The following CLIC4 variants were observed in gnomAD, a reference collection of about 807,000 sequenced individuals.
CLIC4 encodes CLIC family member 4, also known as chloride intracellular channel protein 4.
In CLIC4, 13 loss-of-function variants were observed where a neutral mutation model predicts 24.6. That is an observed-to-expected ratio of 0.53 (90% CI 0.34 to 0.84). The LOEUF (loss-of-function observed/expected upper bound fraction) is 0.84, where lower values mean the gene tolerates loss of function less well. CLIC4 is among the 40% of genes least tolerant of loss of function. The pLI is 0.01. For synonymous variants in CLIC4, 104 were observed against 111.3 expected (o/e 0.93, Z 0.41); for missense variants, 227 against 301.7 (o/e 0.75, Z 1.83).
At position 24,843,340 on chromosome 1, in the gene CLIC4, A is replaced by G. The variant is rs1004265966; in HGVS notation, c.*2403A>G. ...AGTTTAACATCTTGAGAAATTTGGG[A>G]CATAAAGTTTTCATGGTAGACAGTT... On this transcript the variant is annotated 3_prime_UTR_variant, in exon 6 of 6. Transcript: ENST00000374379. 1 of 152,204 alleles carries G rather than the reference A, an allele frequency of 6.6e-6. No individual in the cohort carries two copies. The highest frequency in any genetic ancestry group is 6.5e-5 in the Admixed American group (1 of 15,276). The allele number at this position is 152,204 out of a possible 1,614,324, so 9.4% of individuals were successfully genotyped here.
intron 1 of CLIC4, among the ~76,000 whole-genome samples, chr1:24,791,090 G>A (rs968728269): frequency 6.6e-6 from 1 of 152,104 alleles, no homozygotes; most frequent in African/African-American, 2.4e-5. Context: ...GTAAGGGAAC[G>A]CTGACTTTCT....
At chr1:24,797,638 C>A in intron 1 of CLIC4, 104 bp from the exon 2 acceptor site, 5 of 658,304 alleles carry the variant, frequency 7.6e-6, no homozygotes, top group Non-Finnish European at 1.2e-5. Flanking sequence ...CACAATGTAA[C>A]TTTTCCTGGC....
At position 24,844,138 on chromosome 1, in the gene CLIC4, T is replaced by G. The variant is rs1375749333; in HGVS notation, c.*3201T>G. ...GTTGAACAGAATTGGAGTATTTTCT[T>G]TATAATTTCTTGAACAGGCAAATGA... On this transcript the variant is annotated 3_prime_UTR_variant, in exon 6 of 6. Coordinates refer to ENST00000374379, the MANE Select transcript of CLIC4 (RefSeq NM_013943.3). The G allele has an allele frequency of 6.6e-6, 1 of 152,654 alleles. No individual in the cohort carries two copies. The highest frequency in any genetic ancestry group is 1.5e-5 in the Non-Finnish European group (1 of 68,024). 9.5% of individuals were successfully genotyped at this position (152,654 alleles called of 1,614,324 possible). A position where few individuals can be genotyped will look rare whatever the true frequency, so the allele number is the denominator to read the frequency against.
chr1:24,835,393 T>C (rs537052763), intron 4 of CLIC4, among the ~76,000 whole-genome samples: 28 of 152,162 alleles, frequency 1.8e-4, no homozygotes, highest in Admixed American at 1.3e-3. Flanking sequence ...CATAACCCCA[T>C]CTCTACTAAA....
At chr1:24,775,704 C>T (rs1639130673) in intron 1 of CLIC4, among the ~76,000 whole-genome samples, 1 of 151,554 alleles carries the variant, frequency 6.6e-6, no homozygotes, top group African/African-American at 2.4e-5. Flanking sequence ...CTGAGATTTC[C>T]TATCTTCCTT....
At chr1:24,764,390 A>G (rs940403154) in intron 1 of CLIC4, among the ~76,000 whole-genome samples, 1 of 151,066 alleles carries the variant, frequency 6.6e-6, no homozygotes, top group Non-Finnish European at 1.5e-5. Flanking sequence ...GTGAGCCACC[A>G]CGTCCGGCCA....
At chr1:24,798,780 C>T (rs1639435964) in intron 2 of CLIC4, among the ~76,000 whole-genome samples, 1 of 149,318 alleles carries the variant, frequency 6.7e-6, no homozygotes. Flanking sequence ...CTCAGCCTGC[C>T]GAGTGCCTGC....
chr1:24,805,584 T>C (rs1557808119), intron 2 of CLIC4, among the ~76,000 whole-genome samples: 1 of 152,296 alleles, frequency 6.6e-6, no homozygotes, highest in Non-Finnish European at 1.5e-5. Context: ...TTTTTTGTTA[T>C]TGTTCTCTTT....
Position 24,840,956 on chromosome 1 carries a change from G to T in CLIC4, c.*19G>T. ...CAAGTAAAATCGCGTTTGTAAAAGAGATGTCTTCATGTCTTCCCCTAAGAA... is the reference window on the plus strand; with the variant it reads ...CAAGTAAAATCGCGTTTGTAAAAGATATGTCTTCATGTCTTCCCCTAAGAA... On this transcript the variant is annotated 3_prime_UTR_variant, in exon 6 of 6. Coordinates refer to ENST00000374379, the MANE Select transcript of CLIC4 (RefSeq NM_013943.3). 6.3e-7 allele frequency: 1 copy of T among 1,581,586 alleles called. No homozygotes were observed. Among genetic ancestry groups the T allele is most frequent in the Non-Finnish European group, 8.6e-7 (1 of 1,163,846 alleles).
At chr1:24,747,918 G>A (rs1403134498) in intron 1 of CLIC4, among the ~76,000 whole-genome samples, 1 of 151,756 alleles carries the variant, frequency 6.6e-6, no homozygotes. Flanking sequence ...CCAGCTATTC[G>A]GGAGGCTGAG....
chr1:24,789,982 A>G (rs1639313985), intron 1 of CLIC4, among the ~76,000 whole-genome samples: 1 of 152,238 alleles, frequency 6.6e-6, no homozygotes, highest in African/African-American at 2.4e-5. Context: ...TGTGGAGGGA[A>G]AAGGAGAAGG....
At chr1:24,747,533 CAAAAAA>C (rs35626709) in intron 1 of CLIC4, among the ~76,000 whole-genome samples, 1 of 92,684 alleles carries the variant, frequency 1.1e-5, no homozygotes, top group Admixed American at 1.4e-4. Flanking sequence ...GACTCCATCT[CAAAAAA>C]AAAAAAAAAA....
At chr1:24,786,996 C>G (rs9661655) in intron 1 of CLIC4, among the ~76,000 whole-genome samples, 51,231 of 151,850 alleles carry the variant, frequency 0.34, 8,982 homozygotes, top group Middle Eastern at 0.51. Flanking sequence ...TCATGGTTCA[C>G]TGCAGCCTTG....
chr1:24,746,964 G>A (rs945372606), intron 1 of CLIC4, among the ~76,000 whole-genome samples: 2 of 152,130 alleles, frequency 1.3e-5, no homozygotes, highest in Non-Finnish European at 2.9e-5. Flanking sequence ...TTCCAGCCTG[G>A]GCGACAGAGC....
chr1:24,837,373 A>T (rs1169490125), intron 4 of CLIC4, among the ~76,000 whole-genome samples: 2 of 152,212 alleles, frequency 1.3e-5, no homozygotes, highest in East Asian at 3.8e-4. Context: ...GGAATTAAAA[A>T]TGTGAATATT....
intron 3 of CLIC4, among the ~76,000 whole-genome samples, chr1:24,816,511 GGGATTACAGGTGT>G (rs1223001172): frequency 6.6e-6 from 1 of 152,114 alleles, no homozygotes; most frequent in African/African-American, 2.4e-5. Flanking sequence ...CCAAAGTGCT[GGGATTACAGGTGT>G]GGTATGAGCC....
intron 2 of CLIC4, among the ~76,000 whole-genome samples, chr1:24,808,325 C>G (rs1262684560): frequency 2.0e-5 from 3 of 152,120 alleles, no homozygotes; most frequent in Non-Finnish European, 4.4e-5. Flanking sequence ...GCTCAAGTTT[C>G]TTATATAAAA....
intron 3 of CLIC4, among the ~76,000 whole-genome samples, chr1:24,824,711 A>G (rs865998603): frequency 1.3e-5 from 2 of 152,040 alleles, no homozygotes; most frequent in South Asian, 4.2e-4. Flanking sequence ...TTAAATTAAT[A>G]GTACAGGCTG....
At position 24,842,559 on chromosome 1, in the gene CLIC4, A is replaced by AT. The variant is rs1171711122; in HGVS notation, c.*1628dup. ...AAGCGGCTTTTTATAAGTATACTGC[A>AT]TTTTTTGAGCCTATCATTAATTAGC... is the stretch of plus-strand genomic sequence containing the variant. On this transcript the variant is annotated 3_prime_UTR_variant, in exon 6 of 6. Transcript: ENST00000374379. The AT allele has an allele frequency of 6.6e-6, 1 of 152,120 alleles. No homozygotes were observed. Among genetic ancestry groups the AT allele is most frequent in the Non-Finnish European group, 1.5e-5 (1 of 68,010 alleles). The allele number at this position is 152,120 out of a possible 1,614,324, so 9.4% of individuals were successfully genotyped here.
Sources: gnomAD v4.1 joint callset for allele counts (sites outside exome capture counted in the v4.1 genomes callset) on GRCh38, gnomAD v4.1.1 for gene constraint, MANE v1.5 for transcripts, NCBI Gene and HGNC (gene_info 2026-07-23, HGNC 2026-07-21) for gene names.